The following NT5DC1 variants were observed in gnomAD, a reference collection of about 807,000 sequenced individuals.
NT5DC1 encodes 5'-nucleotidase domain-containing protein 1.
A neutral mutation model predicts 59.4 loss-of-function variants in NT5DC1; 42 were observed. That is an observed-to-expected ratio of 0.71 (90% CI 0.55 to 0.92). The LOEUF is 0.92. NT5DC1 is among the 40% of genes least tolerant of loss of function. The pLI, the probability that NT5DC1 is intolerant of heterozygous loss-of-function variation, is 0.00. For missense variants in NT5DC1, 501 were observed against 537.1 expected (o/e 0.93, Z 0.66); for synonymous variants, 172 against 188.1 (o/e 0.91, Z 0.70).
At chr6:116,164,825 A>T (rs1193102835) in intron 6 of NT5DC1, among the ~76,000 whole-genome samples, 1 of 152,144 alleles carries the variant, frequency 6.6e-6, no homozygotes, top group African/African-American at 2.4e-5. Context: ...AGCTTAGTTT[A>T]AAAAGATACA....
At chr6:116,223,629 G>C (rs1781853264) in intron 8 of NT5DC1, among the ~76,000 whole-genome samples, 1 of 152,220 alleles carries the variant, frequency 6.6e-6, no homozygotes, top group Non-Finnish European at 1.5e-5. Context: ...GGTACTCATA[G>C]TAGGTGTTCT....
intron 6 of NT5DC1, among the ~76,000 whole-genome samples, chr6:116,193,716 CCTTGAAT>C (rs1331124672): frequency 2.6e-5 from 4 of 151,866 alleles, no homozygotes; most frequent in African/African-American, 9.7e-5. Flanking sequence ...CTGTAATAAA[CCTTGAAT>C]CTTTCATCTT....
intron 1 of NT5DC1, among the ~76,000 whole-genome samples, chr6:116,105,498 G>T (rs928355202): frequency 6.6e-6 from 1 of 152,202 alleles, no homozygotes; most frequent in East Asian, 1.9e-4. Context: ...ACTGGCCAAA[G>T]AACACTTCGA....
In NT5DC1 at chr6:116,144,512, A is replaced by C. The variant is rs538002328; in HGVS notation, c.529+26567A>C. Among the ~76,000 whole-genome samples the C allele has an allele frequency of 2.6e-3, 394 of 152,274 alleles. 10 individuals are homozygous for C. The South Asian group carries it at 0.043, about 17-fold the overall frequency. On this transcript the variant is annotated intron_variant, in intron 6 of 11. Coordinates refer to ENST00000319550, the MANE Select transcript of NT5DC1 (RefSeq NM_152729.3). Reference sequence around the variant, plus strand: ...GAGACTCCGTCTCAAAAAAAAAAAAAAGTGTAAAAGGAGAACACCAACTTT... The same window carrying C: ...GAGACTCCGTCTCAAAAAAAAAAAACAGTGTAAAAGGAGAACACCAACTTT...
chr6:116,218,456 T>C, intron 6 of NT5DC1, among the ~76,000 whole-genome samples: 1 of 152,148 alleles, frequency 6.6e-6, no homozygotes, highest in East Asian at 1.9e-4. Context: ...CTAAGTGAAA[T>C]AATCTCACAT....
chr6:116,169,698 A>G (rs1780563022), intron 6 of NT5DC1, among the ~76,000 whole-genome samples: 1 of 152,190 alleles, frequency 6.6e-6, no homozygotes, highest in Non-Finnish European at 1.5e-5. Flanking sequence ...GAAGAGTTCT[A>G]TTTTGGACCT....
At chr6:116,119,772 T>A in intron 6 of NT5DC1, 1 of 250,720 alleles carries the variant, frequency 4.0e-6, no homozygotes. Context: ...TTTTTTGTTG[T>A]TTGTTTTTTG....
At chr6:116,115,642 T>G in intron 4 of NT5DC1, 49 bp from the exon 5 acceptor site, 1 of 880,902 alleles carries the variant, frequency 1.1e-6, no homozygotes, top group South Asian at 1.4e-5. Context: ...GTATTTCACA[T>G]GCATGCAGCA....
intron 2 of NT5DC1, among the ~76,000 whole-genome samples, chr6:116,107,539 C>A (rs1334959540): frequency 1.8e-5 from 2 of 114,064 alleles, no homozygotes; most frequent in East Asian, 2.6e-4. Flanking sequence ...TAGTGGTTTT[C>A]TTTTTATTTT....
At chr6:116,229,699 A>G (rs1171086976) in intron 8 of NT5DC1, among the ~76,000 whole-genome samples, 3 of 152,182 alleles carry the variant, frequency 2.0e-5, no homozygotes, top group African/African-American at 4.8e-5. Context: ...GGAACGTGTC[A>G]GCCTTGTTCA....
intron 6 of NT5DC1, among the ~76,000 whole-genome samples, chr6:116,202,740 A>G (rs1781373776): frequency 6.6e-6 from 1 of 152,038 alleles, no homozygotes; most frequent in South Asian, 2.1e-4. Flanking sequence ...TGCATTGCAG[A>G]TAAACATTAA....
At chr6:116,119,583 T>G (rs1216293172) in intron 6 of NT5DC1, 1 of 161,060 alleles carries the variant, frequency 6.2e-6, no homozygotes, top group East Asian at 1.8e-4. Context: ...TACAGTGTCT[T>G]TTAAATTTGA....
chr6:116,123,236 C>T (rs926483483), intron 6 of NT5DC1, among the ~76,000 whole-genome samples: 2 of 152,074 alleles, frequency 1.3e-5, no homozygotes, highest in Admixed American at 6.6e-5. Context: ...GTGCATTGGG[C>T]GTCATCCGAG....
intron 6 of NT5DC1, among the ~76,000 whole-genome samples, chr6:116,139,662 G>A (rs1447249405): frequency 6.6e-6 from 1 of 152,014 alleles, no homozygotes; most frequent in Non-Finnish European, 1.5e-5. Flanking sequence ...CTAGTTTTTT[G>A]ATTTGCAAAT....
chr6:116,223,809 C>A (rs551094078), intron 8 of NT5DC1, among the ~76,000 whole-genome samples: 2 of 152,224 alleles, frequency 1.3e-5, no homozygotes, highest in East Asian at 3.9e-4. Context: ...ATTTGAGGAC[C>A]ATTCAGAAGT....
intron 6 of NT5DC1, among the ~76,000 whole-genome samples, chr6:116,130,806 T>G (rs1562130378): frequency 6.6e-6 from 1 of 152,148 alleles, no homozygotes. Flanking sequence ...AGTAATATAG[T>G]TATTCATTTG....
intron 6 of NT5DC1, among the ~76,000 whole-genome samples, chr6:116,141,966 G>A (rs1362429061): frequency 6.8e-6 from 1 of 147,838 alleles, no homozygotes; most frequent in East Asian, 2.0e-4. Context: ...AAATATATAG[G>A]AATTCCTGTT....
chr6:116,241,662 G>A (rs1771716531), intron 11 of NT5DC1, among the ~76,000 whole-genome samples: 2 of 152,066 alleles, frequency 1.3e-5, no homozygotes, highest in South Asian at 2.1e-4. Context: ...GGTGGCTCAC[G>A]CCTGTAATCC....
chr6:116,239,017 A>C lies in NT5DC1; in HGVS notation c.1146A>C (p.Ser382=), dbSNP rs757324432. Residue 382 remains serine (S), a synonymous_variant, in exon 11 of 12, where the codon TCA becomes TCC. Transcript: ENST00000319550. The part of the protein sequence containing the change: ...SKKWGSFFID[S]VLGLENTEDS... ...AATGGGGCTCTTTTTTTATTGATTCAGTTTTGGGACTGGAAAATACAGAAG... is the reference window on the plus strand; with the variant it reads ...AATGGGGCTCTTTTTTTATTGATTCCGTTTTGGGACTGGAAAATACAGAAG... 1.9e-6 allele frequency: 3 copies of C among 1,608,926 alleles called. No homozygotes were observed. The South Asian group carries it at 3.3e-5, about 18-fold the overall frequency.
Sources: gnomAD v4.1 joint callset for allele counts (sites outside exome capture counted in the v4.1 genomes callset) on GRCh38, gnomAD v4.1.1 for gene constraint, MANE v1.5 for transcripts, NCBI Gene and HGNC (gene_info 2026-07-23, HGNC 2026-07-21) for gene names.